The following ADK variants were observed in gnomAD, a reference collection of about 807,000 sequenced individuals.
ADK encodes N6,N6-dimethyladenosine kinase.
ADK carries 24 observed loss-of-function variants against 44.7 expected under a neutral mutation model. The observed-to-expected ratio is 0.54, with a 90% CI of 0.39 to 0.76. The LOEUF (loss-of-function observed/expected upper bound fraction) is 0.76, where lower values mean the gene tolerates loss of function less well. Among genes scored for constraint, ADK ranks in the 30% least tolerant of loss-of-function variants. The pLI, the probability that ADK is intolerant of heterozygous loss-of-function variation, is 0.00. For missense variants in ADK, 321 were observed against 425.1 expected, an observed-to-expected ratio of 0.76 and a Z score of 2.15; for synonymous variants, 128 against 142.6, an observed-to-expected ratio of 0.90 and a Z score of 0.73.
At chr10:74,432,025 C>T (rs538795708) in intron 6 of ADK, among the ~76,000 whole-genome samples, 9 of 151,950 alleles carry the variant, frequency 5.9e-5, no homozygotes, top group Non-Finnish European at 1.3e-4. Flanking sequence ...GTCCCTGTCT[C>T]TACCAAAATA....
At chr10:74,197,139 A>G (rs1843182903) in intron 1 of ADK, among the ~76,000 whole-genome samples, 1 of 152,202 alleles carries the variant, frequency 6.6e-6, no homozygotes. Context: ...TACTAAGGCT[A>G]GAGAAATATA....
intron 6 of ADK, among the ~76,000 whole-genome samples, chr10:74,449,355 G>T (rs1026586549): frequency 2.0e-5 from 3 of 152,120 alleles, no homozygotes; most frequent in Admixed American, 6.5e-5. Context: ...AACTGACTGG[G>T]AGTTTTAATT....
intron 6 of ADK, among the ~76,000 whole-genome samples, chr10:74,463,163 T>A (rs1229690945): frequency 6.6e-6 from 1 of 152,164 alleles, no homozygotes; most frequent in African/African-American, 2.4e-5. Context: ...CCCAACCTTT[T>A]TGGCACCAAG....
intron 10 of ADK, among the ~76,000 whole-genome samples, chr10:74,676,839 A>G (rs139277440): frequency 6.6e-6 from 1 of 152,304 alleles, no homozygotes; most frequent in African/African-American, 2.4e-5. Flanking sequence ...AGCAGAGAAA[A>G]TGTATTACCC....
chr10:74,270,507 T>G (rs1243022505), intron 3 of ADK, among the ~76,000 whole-genome samples: 2 of 152,184 alleles, frequency 1.3e-5, no homozygotes, highest in Non-Finnish European at 2.9e-5. Flanking sequence ...AAGCCATTGT[T>G]CCACCTCGGC....
chr10:74,403,865 TTTTTG>T (rs745739749), intron 6 of ADK, among the ~76,000 whole-genome samples: 3 of 152,128 alleles, frequency 2.0e-5, no homozygotes, highest in African/African-American at 4.8e-5. Context: ...CCTATTCCTT[TTTTTG>T]TTTTGTTTTG....
rs35141788 is a variant in ADK at position 74,431,066 on chromosome 10, CA to C, written c.555+32512del. On this transcript the variant is annotated intron_variant, in intron 6 of 10. Coordinates refer to ENST00000539909, the MANE Select transcript of ADK (RefSeq NM_006721.4). ...TGGGCGACAGAGCGAGACTCCGTCT[CA>C]AAAAAAAAAAAAAAAAAAAAAAAAG... Among the ~76,000 whole-genome samples the C allele has an allele frequency of 7.8e-3, 445 of 57,260 alleles. 2 individuals are homozygous for C. The highest frequency in any genetic ancestry group is 0.031 in the African/African-American group (383 of 12,346). 37.6% of individuals were successfully genotyped at this position (57,260 alleles called of 152,430 possible). A position where few individuals can be genotyped will look rare whatever the true frequency, so the allele number is the denominator to read the frequency against.
At chr10:74,152,376 T>G (rs1841622492) in intron 1 of ADK, among the ~76,000 whole-genome samples, 1 of 152,202 alleles carries the variant, frequency 6.6e-6, no homozygotes, top group Admixed American at 6.5e-5. Flanking sequence ...GAACATAAAC[T>G]TTAAAATAAA....
intron 9 of ADK, among the ~76,000 whole-genome samples, chr10:74,624,092 A>G (rs1460170541): frequency 1.3e-5 from 2 of 152,200 alleles, no homozygotes; most frequent in South Asian, 2.1e-4. Flanking sequence ...TAAAAGGAAT[A>G]AACTGGTTAC....
chr10:74,530,338 ATAAAG>A (rs1300562439), intron 7 of ADK, among the ~76,000 whole-genome samples: 4 of 152,196 alleles, frequency 2.6e-5, no homozygotes, highest in African/African-American at 7.2e-5. Context: ...CCTCAAAAAA[ATAAAG>A]TATACTGTGT....
chr10:74,403,205 G>A (rs895861297), intron 6 of ADK, among the ~76,000 whole-genome samples: 1 of 152,196 alleles, frequency 6.6e-6, no homozygotes, highest in Non-Finnish European at 1.5e-5. Flanking sequence ...ACCCACTTGA[G>A]GAGGCAGTCT....
chr10:74,541,792 A>ACCCCC (rs1172991136), intron 7 of ADK, among the ~76,000 whole-genome samples: 12 of 28,802 alleles, frequency 4.2e-4, no homozygotes, highest in Non-Finnish European at 7.0e-4. Flanking sequence ...GAACCCCCAC[A>ACCCCC]CACCCCCCCC....
intron 2 of ADK, among the ~76,000 whole-genome samples, chr10:74,205,525 A>C (rs974830606): frequency 6.6e-6 from 1 of 151,928 alleles, no homozygotes; most frequent in African/African-American, 2.4e-5. Flanking sequence ...AAAATACAAA[A>C]ATTAACTGGG....
At chr10:74,376,986 A>G (rs1592123872) in intron 4 of ADK, among the ~76,000 whole-genome samples, 1 of 152,160 alleles carries the variant, frequency 6.6e-6, no homozygotes, top group African/African-American at 2.4e-5. Context: ...TTTCCATTTT[A>G]TCTCATCTGT....
At chr10:74,433,493 A>C (rs2133095212) in intron 6 of ADK, among the ~76,000 whole-genome samples, 1 of 152,320 alleles carries the variant, frequency 6.6e-6, no homozygotes, top group Non-Finnish European at 1.5e-5. Flanking sequence ...TCTCAGTAGC[A>C]GCAGGAGGCT....
chr10:74,182,178 C>T (rs1482547493), intron 1 of ADK, among the ~76,000 whole-genome samples: 1 of 151,992 alleles, frequency 6.6e-6, no homozygotes, highest in South Asian at 2.1e-4. Context: ...TTCTTTAGAG[C>T]CTTAAAGTTT....
intron 6 of ADK, among the ~76,000 whole-genome samples, chr10:74,485,873 A>C (rs1847248520): frequency 6.6e-6 from 1 of 152,216 alleles, no homozygotes; most frequent in African/African-American, 2.4e-5. Flanking sequence ...CTGTAATTTC[A>C]ATGCAATTCT....
At chr10:74,434,102 AT>A (rs1035799105) in intron 6 of ADK, among the ~76,000 whole-genome samples, 3 of 152,150 alleles carry the variant, frequency 2.0e-5, no homozygotes, top group Admixed American at 6.6e-5. Context: ...AGAGGGAGAA[AT>A]GATTTTCTAT....
intron 5 of ADK, among the ~76,000 whole-genome samples, chr10:74,396,849 G>A (rs1843533609): frequency 2.6e-5 from 4 of 151,922 alleles, no homozygotes; most frequent in Admixed American, 1.3e-4. Context: ...CCAGCTACTT[G>A]GGAGACTGAG....
Sources: allele counts gnomAD v4.1 joint callset (sites outside exome capture counted in the v4.1 genomes callset), GRCh38; gene constraint gnomAD v4.1.1; transcripts MANE v1.5; gene names NCBI Gene and HGNC (gene_info 2026-07-23, HGNC 2026-07-21).